HAUS8: variants seen among roughly 807,000 people sequenced by gnomAD.
The protein encoded by HAUS8 is HAUS augmin like complex subunit 8.
A neutral mutation model predicts 42.9 loss-of-function variants in HAUS8; 38 were observed. The observed-to-expected ratio is 0.89, with a 90% CI of 0.68 to 1.16. HAUS8 has a LOEUF of 1.16. Among genes scored for constraint, HAUS8 ranks in the 50% most tolerant of loss-of-function variants. The pLI is 0.00. For synonymous variants in HAUS8, 199 were observed against 205.8 expected (o/e 0.97, Z 0.28); for missense variants, 494 against 511.6 (o/e 0.97, Z 0.33).
At chr19:17,056,539 A>G (rs2057327605) in intron 8 of HAUS8, among the ~76,000 whole-genome samples, 1 of 152,036 alleles carries the variant, frequency 6.6e-6, no homozygotes, top group African/African-American at 2.4e-5. Flanking sequence ...ATCTATATAC[A>G]CACACACATA....
chr19:17,061,351 G>C (rs2057359735), intron 4 of HAUS8, among the ~76,000 whole-genome samples: 1 of 152,018 alleles, frequency 6.6e-6, no homozygotes, highest in African/African-American at 2.4e-5. Flanking sequence ...TTGCCAGGTA[G>C]GTCTGGAACT....
At chr19:17,071,737 C>CT (rs2057425556) in intron 2 of HAUS8, among the ~76,000 whole-genome samples, 1 of 152,162 alleles carries the variant, frequency 6.6e-6, no homozygotes, top group African/African-American at 2.4e-5. Context: ...TGGCTCACAC[C>CT]TGTAATCCCA....
chr19:17,072,474 C>G (rs1380185882), intron 2 of HAUS8, among the ~76,000 whole-genome samples: 3 of 150,616 alleles, frequency 2.0e-5, no homozygotes, highest in East Asian at 3.9e-4. Context: ...TCCTGAGTAG[C>G]TGGGATTACA....
rs2123358421 is a variant in HAUS8, at chr19:17,052,984, T to C, written c.788-18A>G. On this transcript the variant is annotated intron_variant, in intron 9 of 10. Coordinates refer to ENST00000253669, the MANE Select transcript of HAUS8 (RefSeq NM_033417.2). Reference sequence around the variant, plus strand: ...CAGGGCGTCTGGAGGGGAAGAGGGATGGTGGGCGATGGATGGCAAGGTGCC... The same window carrying C: ...CAGGGCGTCTGGAGGGGAAGAGGGACGGTGGGCGATGGATGGCAAGGTGCC... The C allele has an allele frequency of 1.2e-6, 2 of 1,613,978 alleles. No individual in the cohort carries two copies. Among genetic ancestry groups the C allele is most frequent in the East Asian group, 2.2e-5 (1 of 44,872 alleles).
At position 17,050,050 on chromosome 19, in the gene HAUS8, A is replaced by G; in HGVS notation, c.1056T>C (p.Ser352=). 1 of 1,607,972 alleles carries G rather than the reference A, an allele frequency of 6.2e-7. No homozygotes were observed. The highest frequency in any genetic ancestry group is 1.1e-5 in the South Asian group (1 of 90,202). The change falls in exon 11 of 11, where the codon AGT becomes AGC. Residue 352 remains serine (S), a synonymous_variant. Transcript: ENST00000253669. ...GTGCTCCCCCAGATTCTCTGCAGGC[A>G]CTGTCTTGATTGAAATACCACCGGC... ...PPSRWYFNQD[S]ACRESGGAPK...
intron 8 of HAUS8, among the ~76,000 whole-genome samples, chr19:17,056,907 T>G (rs115002674): frequency 0.15 from 22,060 of 151,964 alleles, 1,841 homozygotes; most frequent in Non-Finnish European, 0.2. Context: ...TATAGACAGA[T>G]CTTACTGTGT....
At position 17,075,085 on chromosome 19, in the gene HAUS8, C is replaced by A. The variant is rs2057460098; in HGVS notation, c.29+309G>T. The stretch of plus-strand genomic sequence containing the variant: ...AAGCGCGTTTCAGCCTCACGCGACG[C>A]CTACGAGGTTGAGCTGCGTCATCGG... On this transcript the variant is annotated intron_variant, in intron 1 of 10. Transcript: ENST00000253669. The A allele has an allele frequency of 8.5e-6, 4 of 469,948 alleles. No homozygotes were observed. The South Asian group carries it at 8.8e-5, about 10-fold the overall frequency. The allele number at this position is 469,948 out of a possible 1,614,324, so 29.1% of individuals were successfully genotyped here.
intron 6 of HAUS8, among the ~76,000 whole-genome samples, chr19:17,059,337 T>C (rs151218185): frequency 5.9e-5 from 9 of 152,240 alleles, no homozygotes; most frequent in Admixed American, 5.9e-4. Context: ...TCTCATTTTT[T>C]ACATGGCTCC....
Position 17,050,047 on chromosome 19 carries a change from G to T in HAUS8, c.1059C>A (p.Ala353=). The change falls in exon 11 of 11, where the codon GCC becomes GCA. Residue 353 remains alanine, a synonymous_variant. Transcript: ENST00000253669. ...TGGGTGCTCCCCCAGATTCTCTGCA[G>T]GCACTGTCTTGATTGAAATACCACC... ...PSRWYFNQDS[A]CRESGGAPKN... The T allele has an allele frequency of 6.2e-7, 1 of 1,608,096 alleles. No individual in the cohort carries two copies. The highest frequency in any genetic ancestry group is 2.3e-5 in the East Asian group (1 of 44,036).
intron 5 of HAUS8, 36 bp downstream of exon 5, chr19:17,059,961 C>T: frequency 6.8e-7 from 1 of 1,460,978 alleles, no homozygotes; most frequent in Non-Finnish European, 9.6e-7. Context: ...CTGCAACCCC[C>T]AGTGAGTGAC....
rs538139096 is a variant in HAUS8, at chr19:17,052,868, C to T, written c.886G>A (p.Glu296Lys). The T allele has an allele frequency of 1.7e-4, 267 of 1,614,142 alleles. 1 individual carries two copies. The South Asian group carries it at 2.6e-3, about 15-fold the overall frequency. The part of the protein sequence containing the change: ...ENVQVLDLLS[E>K]LKDVTAKKDL... Reference sequence around the variant, plus strand: ...TTTTTCGCCGTCACGTCCTTGAGTTCGCTCAGTAAGTCCAGCACCTGCACA... The same window carrying T: ...TTTTTCGCCGTCACGTCCTTGAGTTTGCTCAGTAAGTCCAGCACCTGCACA... Residue 296 changes from glutamate (E) to lysine (K), a missense_variant, in exon 10 of 11, where the codon GAA (glutamate) becomes AAA (lysine). Glu to Lys is a moderately conservative substitution (Grantham distance 56, BLOSUM62 1). Coordinates refer to ENST00000253669, the MANE Select transcript of HAUS8 (RefSeq NM_033417.2).
chr19:17,070,741 C>A (rs2057416421), intron 2 of HAUS8, among the ~76,000 whole-genome samples: 1 of 152,344 alleles, frequency 6.6e-6, no homozygotes, highest in South Asian at 2.1e-4. Context: ...TGTTCCACCA[C>A]CTGGTACGGG....
At chr19:17,066,559 G>A (rs1275177397) in intron 3 of HAUS8, among the ~76,000 whole-genome samples, 1 of 152,138 alleles carries the variant, frequency 6.6e-6, no homozygotes, top group Admixed American at 6.5e-5. Flanking sequence ...GGGCAGTCTT[G>A]GAGACTGAGC....
In HAUS8 at chr19:17,052,879, T is replaced by C. The variant is rs1374966685; in HGVS notation, c.875A>G (p.Asp292Gly). 2.5e-6 allele frequency: 4 copies of C among 1,614,038 alleles called. No homozygotes were observed. The highest frequency in any genetic ancestry group is 3.4e-6 in the Non-Finnish European group (4 of 1,180,024). Residue 292 changes from aspartate (D) to glycine (G), a missense_variant, in exon 10 of 11, where the codon GAC becomes GGC. Asp to Gly is a moderately conservative substitution (Grantham distance 94, BLOSUM62 -1). Transcript: ENST00000253669. ...GDSEENVQVLDLLSELKDVTA... is the reference protein window; with the variant it reads ...GDSEENVQVLGLLSELKDVTA... ...CACGTCCTTGAGTTCGCTCAGTAAG[T>C]CCAGCACCTGCACATTTTCTTCCGA...
At chr19:17,066,871 C>A (rs982642163) in intron 3 of HAUS8, among the ~76,000 whole-genome samples, 1 of 152,152 alleles carries the variant, frequency 6.6e-6, no homozygotes. Context: ...CAGATGAACA[C>A]AACGTGGTCC....
intron 2 of HAUS8, among the ~76,000 whole-genome samples, chr19:17,072,129 T>C (rs7507441): frequency 0.72 from 109,764 of 152,070 alleles, 40,370 homozygotes; most frequent in African/African-American, 0.85. Flanking sequence ...ATGTTTAGAA[T>C]TTGGGAATAA....
In HAUS8 at chr19:17,059,007, G is replaced by A. The variant is rs1047440432; in HGVS notation, c.421-131C>T. 17 of 693,364 alleles carry A rather than the reference G, an allele frequency of 2.5e-5. No homozygotes were observed. The African/African-American group carries it at 2.7e-4, about 11-fold the overall frequency. The allele number at this position is 693,364 out of a possible 1,614,324, so 43.0% of individuals were successfully genotyped here. A position where few individuals can be genotyped will look rare whatever the true frequency, so the allele number is the denominator to read the frequency against. The stretch of plus-strand genomic sequence containing the variant: ...GTTTGATATTCGGTAGTTCTCTACT[G>A]TAGTGGGTCTATTGCTTCTATTTTC... On this transcript the variant is annotated intron_variant, in intron 6 of 10. Coordinates refer to ENST00000253669, the MANE Select transcript of HAUS8 (RefSeq NM_033417.2).
chr19:17,052,815 T>G lies in HAUS8; in HGVS notation c.929+10A>C. The G allele has an allele frequency of 6.2e-7, 1 of 1,614,160 alleles. No homozygotes were observed. The highest frequency in any genetic ancestry group is 1.1e-5 in the South Asian group (1 of 91,088). ...GTGCCACCTCTTTCTTAAAGCATTT[T>G]CCGAGGTACCTTCGGAGCTCAAGGT... On this transcript the variant is annotated intron_variant, in intron 10 of 10. Coordinates refer to ENST00000253669, the MANE Select transcript of HAUS8 (RefSeq NM_033417.2).
chr19:17,053,063 G>A lies in HAUS8; in HGVS notation c.788-97C>T, dbSNP rs572427528. The A allele has an allele frequency of 1.1e-4, 161 of 1,447,246 alleles. No homozygotes were observed. In the African/African-American group the frequency reaches 1.7e-3, roughly 15 times the overall value. The allele number at this position is 1,447,246 out of a possible 1,614,324, so 89.7% of individuals were successfully genotyped here. A position where few individuals can be genotyped will look rare whatever the true frequency, so the allele number is the denominator to read the frequency against. On this transcript the variant is annotated intron_variant, in intron 9 of 10. Transcript: ENST00000253669. ...CCGACAGACTTCTGTCATGATGCTC[G>A]GCTATCGCGCTGGAACCGTGGAGAG...
Sources: gnomAD v4.1 joint callset for allele counts (sites outside exome capture counted in the v4.1 genomes callset) on GRCh38, gnomAD v4.1.1 for gene constraint, MANE v1.5 for transcripts, NCBI Gene and HGNC (gene_info 2026-07-23, HGNC 2026-07-21) for gene names.